CYP2A13: variants seen among roughly 807,000 people sequenced by gnomAD.
CYP2A13 encodes the protein cytochrome P450 family 2 subfamily A member 13, also known as cytochrome P450 2A13.
A neutral mutation model predicts 39.4 loss-of-function variants in CYP2A13; 30 were observed. The observed-to-expected ratio is 0.76, with a 90% CI of 0.57 to 1.03. The LOEUF is 1.03. Ranked by LOEUF, CYP2A13 falls within the 50% of genes least tolerant of loss-of-function variation. The pLI, the probability that CYP2A13 is intolerant of heterozygous loss-of-function variation, is 0.00. For missense variants in CYP2A13, 731 were observed against 648.4 expected, an observed-to-expected ratio of 1.13 and a Z score of -1.38; for synonymous variants, 269 against 254.7, an observed-to-expected ratio of 1.06 and a Z score of -0.54.
intron 8 of CYP2A13, among the ~76,000 whole-genome samples, chr19:41,095,408 G>A (rs1406678980): frequency 6.6e-6 from 1 of 152,092 alleles, no homozygotes; most frequent in East Asian, 1.9e-4. Flanking sequence ...GTGTATCTGG[G>A]GGGTAGGGGC....
chr19:41,095,860 T>C lies in CYP2A13; in HGVS notation c.1404T>C (p.Pro468=). 6.2e-7 allele frequency: 1 copy of C among 1,614,086 alleles called. No homozygotes were observed. Among genetic ancestry groups the C allele is most frequent in the Non-Finnish European group, 8.5e-7 (1 of 1,179,950 alleles). ...TTCGCTTCAAGTCCCCTCAGTCGCC[T>C]AAGGATATCGACGTGTCCCCCAAAC... is the stretch of plus-strand genomic sequence containing the variant. ...QNFRFKSPQS[P]KDIDVSPKHV... is the part of the protein sequence containing the mutation. The change falls in exon 9 of 9, where the codon CCT becomes CCC. Residue 468 remains proline, a synonymous_variant. Coordinates refer to ENST00000330436, the MANE Select transcript of CYP2A13 (RefSeq NM_000766.5).
Position 41,089,054 on chromosome 19 carries a change from C to G in CYP2A13, c.306C>G (p.Gly102=). Residue 102 remains glycine, a synonymous_variant, in exon 2 of 9, where the codon GGC becomes GGG. Coordinates refer to ENST00000330436, the MANE Select transcript of CYP2A13 (RefSeq NM_000766.5). ...VDQAEEFSGR[G]EQATFDWLFK... is the part of the protein sequence containing the mutation. ...AGGCTGAGGAGTTCAGCGGGCGAGGCGAGCAGGCCACCTTCGACTGGCTCT... is the reference window on the plus strand; with the variant it reads ...AGGCTGAGGAGTTCAGCGGGCGAGGGGAGCAGGCCACCTTCGACTGGCTCT... The G allele has an allele frequency of 6.2e-7, 1 of 1,613,008 alleles. No individual in the cohort carries two copies.
chr19:41,093,190 G>A (rs1391740302), intron 5 of CYP2A13, among the ~76,000 whole-genome samples: 1 of 150,624 alleles, frequency 6.6e-6, no homozygotes, highest in Non-Finnish European at 1.5e-5. Flanking sequence ...CTGGGTGACA[G>A]AATAAGACCG....
chr19:41,092,140 A>AC (rs1237524824), intron 5 of CYP2A13, among the ~76,000 whole-genome samples: 1 of 151,536 alleles, frequency 6.6e-6, no homozygotes, highest in African/African-American at 2.4e-5. Flanking sequence ...ACATGGTGAA[A>AC]CCCCGTCTCT....
chr19:41,095,759 G>A lies in CYP2A13; in HGVS notation c.1304-1G>A. 6.2e-7 allele frequency: 1 copy of A among 1,614,020 alleles called. No homozygotes were observed. The highest frequency in any genetic ancestry group is 8.5e-7 in the Non-Finnish European group (1 of 1,179,936). On this transcript the variant is annotated splice_acceptor_variant, in intron 8 of 8. Transcript: ENST00000330436. LOFTEE classifies it high-confidence loss of function. ...TCACCCCTCCTGCCTCTCCTCCTCA[G>A]GAAAGCGGTACTGTTTTGGAGAAGG...
rs760494077 is a variant in CYP2A13 at position 41,095,973 on chromosome 19, C to T, written c.*32C>T. ...GCTGTGCTGGTGCAGGGCTGGTGGG[C>T]GGGGCCAGGGAAACGGCCGGGGCAG... On this transcript the variant is annotated 3_prime_UTR_variant, in exon 9 of 9. Coordinates refer to ENST00000330436, the MANE Select transcript of CYP2A13 (RefSeq NM_000766.5). The T allele has an allele frequency of 2.5e-5, 14 of 552,378 alleles. No individual in the cohort carries two copies. The highest frequency in any genetic ancestry group is 4.2e-5 in the Admixed American group (1 of 23,972). 34.2% of individuals were successfully genotyped at this position (552,378 alleles called of 1,614,324 possible).
At chr19:41,089,117 G>A in intron 2 of CYP2A13, 26 bp downstream of exon 2, 1 of 1,611,248 alleles carries the variant, frequency 6.2e-7, no homozygotes, top group Non-Finnish European at 8.5e-7. Flanking sequence ...AGAGGGGGAA[G>A]GTGGCCAGGT....
At position 41,094,388 on chromosome 19, in the gene CYP2A13, AG is replaced by A. The variant is rs996569656; in HGVS notation, c.1120del (p.Val374SerfsTer26). 3 of 1,613,946 alleles carry A rather than the reference AG, an allele frequency of 1.9e-6. No homozygotes were observed. In the African/African-American group the frequency reaches 4.0e-5, roughly 22 times the overall value. On this transcript the variant is annotated frameshift_variant, in exon 7 of 9. Coordinates refer to ENST00000330436, the MANE Select transcript of CYP2A13 (RefSeq NM_000766.5). LOFTEE classifies it high-confidence loss of function. The stretch of plus-strand genomic sequence containing the variant: ...CATGCTCCCCATGGGTTTGGCCCAC[AG>A]GGTCAACAAGGACACCAAGTTTCGG... Reference protein sequence around the residue: ...GDMLPMGLAHRVNKDTKFRDF... With the variant: ...GDMLPMGLAHXVNKDTKFRDF...
chr19:41,095,670 C>T lies in CYP2A13; in HGVS notation c.1304-90C>T, dbSNP rs1268688394. On this transcript the variant is annotated intron_variant, in intron 8 of 8. Coordinates refer to ENST00000330436, the MANE Select transcript of CYP2A13 (RefSeq NM_000766.5). The stretch of plus-strand genomic sequence containing the variant: ...CTCAGGCCATAATATTCCACCCCTC[C>T]TCCCTAGAGAGTGCAGCCGGGGGTC... 3.0e-5 allele frequency: 45 copies of T among 1,511,996 alleles called. No homozygotes were observed. The South Asian group carries it at 5.1e-4, about 17-fold the overall frequency. The allele number at this position is 1,511,996 out of a possible 1,614,324, so 93.7% of individuals were successfully genotyped here.
At chr19:41,091,360 C>A (rs1483650839) in intron 4 of CYP2A13, among the ~76,000 whole-genome samples, 1 of 152,150 alleles carries the variant, frequency 6.6e-6, no homozygotes, top group African/African-American at 2.4e-5. Flanking sequence ...GCCTAAATAC[C>A]TAGACAGGTG....
intron 6 of CYP2A13, 120 bp downstream of exon 6, chr19:41,093,891 G>C (rs2031243626): frequency 8.3e-7 from 1 of 1,209,828 alleles, no homozygotes; most frequent in South Asian, 1.5e-5. Context: ...GCTGTCCAGA[G>C]ACAGGACAAT....
intron 8 of CYP2A13, 45 bp downstream of exon 8, chr19:41,095,145 G>A (rs1185022594): frequency 1.2e-6 from 2 of 1,613,756 alleles, no homozygotes; most frequent in Middle Eastern, 1.7e-4. Flanking sequence ...CACACCAGCA[G>A]GGGCCTCTCT....
chr19:41,091,909 G>A lies in CYP2A13; in HGVS notation c.831+1G>A, dbSNP rs780057919. The A allele has an allele frequency of 2.5e-6, 4 of 1,613,960 alleles. No individual in the cohort carries two copies. Among genetic ancestry groups the A allele is most frequent in the East Asian group, 4.5e-5 (2 of 44,880 alleles). On this transcript the variant is annotated splice_donor_variant, in intron 5 of 8. Transcript: ENST00000330436. LOFTEE classifies it high-confidence loss of function. ...CTCCTTTCTCATCCGCATGCAGGAGGTACATCCCAGCAGCCAGTGCAGGCA... is the reference window on the plus strand; with the variant it reads ...CTCCTTTCTCATCCGCATGCAGGAGATACATCCCAGCAGCCAGTGCAGGCA...
chr19:41,096,003 G>A lies in CYP2A13; in HGVS notation c.*62G>A. 6.7e-7 allele frequency: 1 copy of A among 1,503,300 alleles called. No individual in the cohort carries two copies. Among genetic ancestry groups the A allele is most frequent in the South Asian group, 1.2e-5 (1 of 86,644 alleles). The allele number at this position is 1,503,300 out of a possible 1,614,324, so 93.1% of individuals were successfully genotyped here. A position where few individuals can be genotyped will look rare whatever the true frequency, so the allele number is the denominator to read the frequency against. ...CCAGGGAAACGGCCGGGGCAGGGGC[G>A]GGGCTTGTGGGAGGGGCGGGGCTAA... On this transcript the variant is annotated 3_prime_UTR_variant, in exon 9 of 9. Coordinates refer to ENST00000330436, the MANE Select transcript of CYP2A13 (RefSeq NM_000766.5).
intron 8 of CYP2A13, 131 bp from the exon 9 acceptor site, chr19:41,095,629 T>A: frequency 8.3e-7 from 1 of 1,201,180 alleles, no homozygotes; most frequent in Admixed American, 2.5e-5. Context: ...AGGATCGGAG[T>A]CTCCTCTGAA....
At position 41,095,861 on chromosome 19, in the gene CYP2A13, A is replaced by G; in HGVS notation, c.1405A>G (p.Lys469Glu). 1 of 1,614,062 alleles carries G rather than the reference A, an allele frequency of 6.2e-7. No individual in the cohort carries two copies. The highest frequency in any genetic ancestry group is 8.5e-7 in the Non-Finnish European group (1 of 1,179,946). Residue 469 changes from lysine (K) to glutamate (E), a missense_variant, in exon 9 of 9, where the codon AAG becomes GAG. Coordinates refer to ENST00000330436, the MANE Select transcript of CYP2A13 (RefSeq NM_000766.5). ...TCGCTTCAAGTCCCCTCAGTCGCCT[A>G]AGGATATCGACGTGTCCCCCAAACA... is the stretch of plus-strand genomic sequence containing the variant. ...NFRFKSPQSP[K>E]DIDVSPKHVG...
chr19:41,089,813 T>C (rs1289409050), intron 2 of CYP2A13, among the ~76,000 whole-genome samples: 1 of 9,562 alleles, frequency 1.0e-4, no homozygotes, highest in African/African-American at 7.3e-4. Flanking sequence ...GGTCTCTCTC[T>C]CTCTCTCTCT....
chr19:41,090,255 G>A (rs1240385455), intron 3 of CYP2A13, 59 bp downstream of exon 3: 2 of 1,557,606 alleles, frequency 1.3e-6, no homozygotes, highest in Admixed American at 1.8e-5. Flanking sequence ...TGGGGATGGG[G>A]ACTAGGTGGG....
intron 2 of CYP2A13, among the ~76,000 whole-genome samples, chr19:41,089,804 G>GTCTC (rs752348205): frequency 2.3e-4 from 6 of 26,576 alleles, no homozygotes; most frequent in South Asian, 1.2e-3. Flanking sequence ...TTTCTACCCG[G>GTCTC]TCTCTCTCTC....
Sources: gnomAD v4.1 joint callset for allele counts (sites outside exome capture counted in the v4.1 genomes callset) on GRCh38, gnomAD v4.1.1 for gene constraint, MANE v1.5 for transcripts, NCBI Gene and HGNC (gene_info 2026-07-23, HGNC 2026-07-21) for gene names.